TNIK: variants seen among roughly 807,000 people sequenced by gnomAD.
TNIK encodes TRAF2 and NCK-interacting protein kinase.
A neutral mutation model predicts 191.3 loss-of-function variants in TNIK; 49 were observed. The ratio of observed to expected loss-of-function variants is 0.26; its 90% CI spans 0.20 to 0.32. TNIK has a LOEUF of 0.32. Ranked by LOEUF, TNIK falls within the 10% of genes least tolerant of loss-of-function variation. TNIK has a pLI of 1.00. For synonymous variants in TNIK, 594 were observed against 600.9 expected (o/e 0.99, Z 0.17); for missense variants, 1,155 against 1,702.3 (o/e 0.68, Z 5.66).
chr3:171,324,025 C>G (rs888674669), intron 2 of TNIK, among the ~76,000 whole-genome samples: 1 of 152,014 alleles, frequency 6.6e-6, no homozygotes, highest in Admixed American at 6.6e-5. Flanking sequence ...AGTAAATATC[C>G]ATTGGCATTT....
intron 2 of TNIK, among the ~76,000 whole-genome samples, chr3:171,281,894 G>C (rs555518349): frequency 6.6e-6 from 1 of 152,312 alleles, no homozygotes; most frequent in South Asian, 2.1e-4. Flanking sequence ...GATGCCTTGA[G>C]TTAGCCTTAT....
At chr3:171,386,024 C>T (rs1364507752) in intron 1 of TNIK, among the ~76,000 whole-genome samples, 2 of 152,108 alleles carry the variant, frequency 1.3e-5, no homozygotes, top group Non-Finnish European at 2.9e-5. Context: ...ATCCGTATTC[C>T]CCACTCAGCT....
intron 1 of TNIK, among the ~76,000 whole-genome samples, chr3:171,445,058 TC>T (rs1407443412): frequency 6.6e-6 from 1 of 151,906 alleles, no homozygotes; most frequent in East Asian, 1.9e-4. Context: ...GTTCTCAGAC[TC>T]CCACATGCTT....
chr3:171,285,783 T>C (rs1750941253), intron 2 of TNIK, among the ~76,000 whole-genome samples: 2 of 152,164 alleles, frequency 1.3e-5, no homozygotes, highest in Admixed American at 6.5e-5. Flanking sequence ...TTGAAAGTTC[T>C]TGTGTGTTTT....
chr3:171,334,348 A>G (rs374313656), intron 2 of TNIK, among the ~76,000 whole-genome samples: 27 of 152,268 alleles, frequency 1.8e-4, no homozygotes, highest in African/African-American at 6.5e-4. Flanking sequence ...TCCTGAGGAT[A>G]TGGAGTGAGT....
chr3:171,209,988 G>T (rs1740592960), intron 4 of TNIK, among the ~76,000 whole-genome samples: 1 of 152,202 alleles, frequency 6.6e-6, no homozygotes, highest in South Asian at 2.1e-4. Flanking sequence ...GATCCACACA[G>T]CTCAGCACAG....
intron 2 of TNIK, among the ~76,000 whole-genome samples, chr3:171,319,060 T>C (rs910990898): frequency 3.3e-5 from 5 of 152,068 alleles, no homozygotes; most frequent in Non-Finnish European, 7.4e-5. Context: ...GCACCTATAG[T>C]CCTATTTACT....
At chr3:171,087,605 C>A in intron 23 of TNIK, 99 bp from the exon 24 acceptor site, 1 of 1,324,854 alleles carries the variant, frequency 7.5e-7, no homozygotes, top group Non-Finnish European at 1.0e-6. Flanking sequence ...GGCTCCAAAT[C>A]AACCCACTAG....
At chr3:171,298,978 T>C (rs930332399) in intron 2 of TNIK, among the ~76,000 whole-genome samples, 4 of 152,092 alleles carry the variant, frequency 2.6e-5, no homozygotes, top group African/African-American at 7.2e-5. Context: ...TTATAGGCCA[T>C]AGAGGCAAAG....
chr3:171,141,581 G>A (rs892223077), intron 12 of TNIK, among the ~76,000 whole-genome samples: 1 of 152,238 alleles, frequency 6.6e-6, no homozygotes, highest in Non-Finnish European at 1.5e-5. Context: ...CTAAGGACAT[G>A]TGAGGAGTAT....
In TNIK at chr3:171,289,272, G is replaced by A. The variant is rs77549575; in HGVS notation, c.124-61051C>T. ...CCTCTCTTGGCCTTTGAAAGAACCT[G>A]TAAAAAGAGAATATGAGAATTATGT... On this transcript the variant is annotated intron_variant, in intron 2 of 32. Transcript: ENST00000436636. 5.1e-3 allele frequency among the ~76,000 whole-genome samples: 778 copies of A among 152,282 alleles called. 5 individuals are homozygous for A. Among genetic ancestry groups the A allele is most frequent in the African/African-American group, 0.018 (754 of 41,558 alleles).
At chr3:171,249,668 T>C (rs1746009085) in intron 2 of TNIK, among the ~76,000 whole-genome samples, 1 of 152,236 alleles carries the variant, frequency 6.6e-6, no homozygotes, top group African/African-American at 2.4e-5. Context: ...TCAAATTTGC[T>C]GCCTATGATA....
At position 171,131,182 on chromosome 3, in the gene TNIK, C is replaced by A. The variant is rs553669193; in HGVS notation, c.1609-2304G>T. Among the ~76,000 whole-genome samples, 802 of 150,198 alleles carry A rather than the reference C, an allele frequency of 5.3e-3. 8 individuals are homozygous for A. Among genetic ancestry groups the A allele is most frequent in the African/African-American group, 0.019 (775 of 40,996 alleles). ...TGAAACCCCGTCTCTACTAAAAATA[C>A]AAAAAATTAGCCGGGCGTGGTAGCG... is the stretch of plus-strand genomic sequence containing the variant. On this transcript the variant is annotated intron_variant, in intron 15 of 32. Coordinates refer to ENST00000436636, the MANE Select transcript of TNIK (RefSeq NM_015028.4).
intron 4 of TNIK, among the ~76,000 whole-genome samples, chr3:171,209,187 C>A (rs1458034444): frequency 2.0e-5 from 3 of 150,930 alleles, no homozygotes; most frequent in African/African-American, 7.3e-5. Context: ...AAAAAAAAAT[C>A]TTTGACAGCC....
chr3:171,312,143 G>GAAAA lies in TNIK; in HGVS notation c.123+57476_123+57477insTTTT, dbSNP rs1754105230. On this transcript the variant is annotated intron_variant, in intron 2 of 32. Transcript: ENST00000436636. ...AAAAAAAAAAAAAAAAAAAAAAAAG[G>GAAAA]GCTAGACTGGCATATCTGATTTTAA... Among the ~76,000 whole-genome samples the GAAAA allele has an allele frequency of 2.9e-4, 9 of 30,958 alleles. 2 individuals are homozygous for GAAAA. The highest frequency in any genetic ancestry group is 4.1e-4 in the Non-Finnish European group (6 of 14,686). The allele number at this position is 30,958 out of a possible 152,430, so 20.3% of individuals were successfully genotyped here.
intron 2 of TNIK, among the ~76,000 whole-genome samples, chr3:171,299,265 G>A (rs940987999): frequency 3.9e-5 from 6 of 152,174 alleles, no homozygotes; most frequent in African/African-American, 1.2e-4. Context: ...CTCCTCTAGG[G>A]CAAAGTGACC....
intron 16 of TNIK, 70 bp from the exon 17 acceptor site, chr3:171,126,221 C>A: frequency 7.2e-7 from 1 of 1,398,500 alleles, no homozygotes; most frequent in South Asian, 1.8e-5. Flanking sequence ...CCTCAGTGAG[C>A]TGAAGGAAAA....
intron 1 of TNIK, among the ~76,000 whole-genome samples, chr3:171,376,486 G>A (rs1226282888): frequency 6.6e-6 from 1 of 152,094 alleles, no homozygotes; most frequent in Non-Finnish European, 1.5e-5. Flanking sequence ...AGAGGCAGTG[G>A]GGTACATGGC....
At chr3:171,123,495 G>T in intron 18 of TNIK, 101 bp downstream of exon 18, 1 of 955,820 alleles carries the variant, frequency 1.0e-6, no homozygotes, top group Non-Finnish European at 1.5e-6. Context: ...AAGTCAACCT[G>T]CCTCTGAAGA....
Sources: allele counts gnomAD v4.1 joint callset (sites outside exome capture counted in the v4.1 genomes callset), GRCh38; gene constraint gnomAD v4.1.1; transcripts MANE v1.5; gene names NCBI Gene and HGNC (gene_info 2026-07-23, HGNC 2026-07-21).